Variants in DPYSL5 observed in about 807,000 individuals in gnomAD.
DPYSL5 encodes dihydropyrimidinase like 5.
A neutral mutation model predicts 58.4 loss-of-function variants in DPYSL5; 9 were observed. That is an observed-to-expected ratio of 0.15 (90% CI 0.09 to 0.27). DPYSL5 has a LOEUF of 0.27. Ranked by LOEUF, DPYSL5 falls within the 10% of genes least tolerant of loss-of-function variation. The probability of loss-of-function intolerance (pLI) is 1.00; values close to 1 mark genes in which losing one functional copy is unlikely to be tolerated. For missense variants in DPYSL5, 499 were observed against 770.6 expected (o/e 0.65, Z 4.17); for synonymous variants, 293 against 301.9 (o/e 0.97, Z 0.31).
intron 1 of DPYSL5, among the ~76,000 whole-genome samples, chr2:26,855,155 C>T (rs1665847640): frequency 1.3e-5 from 2 of 151,198 alleles, no homozygotes; most frequent in East Asian, 2.0e-4. Context: ...CCATGCTGGG[C>T]GCGGTGGCTC....
chr2:26,910,169 TTAAAGA>T (rs1224925765), intron 2 of DPYSL5, among the ~76,000 whole-genome samples: 4 of 152,230 alleles, frequency 2.6e-5, no homozygotes, highest in African/African-American at 4.8e-5. Flanking sequence ...TTTTTGGCTG[TTAAAGA>T]TAAAGCTACT....
rs139230014 is a variant in DPYSL5, at chr2:26,907,898, G to A, written c.261+9138G>A. On this transcript the variant is annotated intron_variant, in intron 2 of 12. Transcript: ENST00000288699. ...ACTTGTGACTAGCCACAGAGCCCGC[G>A]TAGCCCTAACGGTGTAGTCGACATC... 2.6e-3 allele frequency among the ~76,000 whole-genome samples: 396 copies of A among 152,274 alleles called. 1 individual carries two copies. The highest frequency in any genetic ancestry group is 9.0e-3 in the African/African-American group (375 of 41,556).
chr2:26,923,284 T>C (rs996978094), intron 2 of DPYSL5, among the ~76,000 whole-genome samples: 1 of 152,138 alleles, frequency 6.6e-6, no homozygotes, highest in Non-Finnish European at 1.5e-5. Flanking sequence ...TGTGCTATGA[T>C]TGCACCACTG....
intron 1 of DPYSL5, among the ~76,000 whole-genome samples, chr2:26,864,572 G>A (rs1666095451): frequency 6.6e-6 from 1 of 152,236 alleles, no homozygotes; most frequent in East Asian, 1.9e-4. Flanking sequence ...CACTTTCTGG[G>A]TGTAGATTGT....
At chr2:26,888,279 G>GTCTTTCTTTCTT (rs1438222892) in intron 1 of DPYSL5, among the ~76,000 whole-genome samples, 7 of 84,946 alleles carry the variant, frequency 8.2e-5, no homozygotes, top group East Asian at 3.0e-4. Flanking sequence ...CTTTCTTTCT[G>GTCTTTCTTTCTT]TCTTTCTTTC....
At position 26,922,659 on chromosome 2, in the gene DPYSL5, A is replaced by G. The variant is rs183791268; in HGVS notation, c.262-2228A>G. The stretch of plus-strand genomic sequence containing the variant: ...CAATCTAGAGCCACAGAAAAATGAA[A>G]CAATTTAGTGTGTAAAGCTCAATAT... On this transcript the variant is annotated intron_variant, in intron 2 of 12. Coordinates refer to ENST00000288699, the MANE Select transcript of DPYSL5 (RefSeq NM_020134.4). Among the ~76,000 whole-genome samples the G allele has an allele frequency of 2.6e-5, 4 of 152,310 alleles. No homozygotes were observed. In the East Asian group the frequency reaches 7.7e-4, roughly 29 times the overall value.
At chr2:26,904,422 G>C (rs1227141913) in intron 2 of DPYSL5, among the ~76,000 whole-genome samples, 1 of 152,068 alleles carries the variant, frequency 6.6e-6, no homozygotes, top group East Asian at 1.9e-4. Context: ...GTAAATTCTG[G>C]CCAAAATTTC....
At chr2:26,865,764 G>A (rs1666125202) in intron 1 of DPYSL5, among the ~76,000 whole-genome samples, 1 of 152,118 alleles carries the variant, frequency 6.6e-6, no homozygotes, top group Admixed American at 6.5e-5. Context: ...TGGCTTTTTT[G>A]TGTGTGCTTT....
chr2:26,942,774 A>T lies in DPYSL5; in HGVS notation c.1440+24A>T. On this transcript the variant is annotated intron_variant, in intron 11 of 12. Transcript: ENST00000288699. The surrounding 1 kb of genome is among the most constrained non-coding windows in gnomAD (Gnocchi z 5.9). Reference sequence around the variant, plus strand: ...AGGTGAGGTGGGAGGAGGAAGATGCAGGGGTGTTGGCGCCCCCTGCCGGGG... The same window carrying T: ...AGGTGAGGTGGGAGGAGGAAGATGCTGGGGTGTTGGCGCCCCCTGCCGGGG... 1.9e-6 allele frequency: 3 copies of T among 1,607,194 alleles called. No individual in the cohort carries two copies. Among genetic ancestry groups the T allele is most frequent in the Non-Finnish European group, 1.7e-6 (2 of 1,174,604 alleles).
intron 2 of DPYSL5, among the ~76,000 whole-genome samples, chr2:26,923,554 C>T (rs1475872675): frequency 1.3e-5 from 2 of 152,108 alleles, no homozygotes; most frequent in Admixed American, 6.6e-5. Context: ...AACGTGGAGC[C>T]GTGAAGCACT....
At chr2:26,912,018 A>T (rs1664451885) in intron 2 of DPYSL5, among the ~76,000 whole-genome samples, 1 of 152,230 alleles carries the variant, frequency 6.6e-6, no homozygotes, top group African/African-American at 2.4e-5. Flanking sequence ...GGTGCGTGGC[A>T]GCACATGGTT....
At chr2:26,918,366 A>G (rs1470618322) in intron 2 of DPYSL5, among the ~76,000 whole-genome samples, 1 of 152,120 alleles carries the variant, frequency 6.6e-6, no homozygotes, top group East Asian at 1.9e-4. Context: ...TTCACATCCC[A>G]TGGTGATGTT....
At chr2:26,893,612 GTAGATGGGGC>G (rs1663942082) in intron 1 of DPYSL5, among the ~76,000 whole-genome samples, 1 of 152,220 alleles carries the variant, frequency 6.6e-6, no homozygotes, top group South Asian at 2.1e-4. Flanking sequence ...AGTGCAACAA[GTAGATGGGGC>G]TATTTATTCG....
chr2:26,931,203 GTATATATATATATATA>G (rs373034710), intron 5 of DPYSL5, among the ~76,000 whole-genome samples: 8 of 44,908 alleles, frequency 1.8e-4, no homozygotes, highest in African/African-American at 3.2e-4. Flanking sequence ...GTGTGTGTGT[GTATATATATATATATA>G]TATATATATA....
rs1038444614 is a variant in DPYSL5, at chr2:26,898,055, G to T, written c.-4-441G>T. ...TTTCAGGATACCGTGCAGTGTAAGGGAGACATTTGTTGTATAAGACATGTG... is the reference window on the plus strand; with the variant it reads ...TTTCAGGATACCGTGCAGTGTAAGGTAGACATTTGTTGTATAAGACATGTG... On this transcript the variant is annotated intron_variant, in intron 1 of 12. Transcript: ENST00000288699. The surrounding 1 kb of genome is among the most constrained non-coding windows in gnomAD (Gnocchi z 6.1). Among the ~76,000 whole-genome samples, 1 of 152,156 alleles carries T rather than the reference G, an allele frequency of 6.6e-6. No individual in the cohort carries two copies. The highest frequency in any genetic ancestry group is 2.4e-5 in the African/African-American group (1 of 41,428).
In DPYSL5 at chr2:26,863,605, A is replaced by G. The variant is rs117931623; in HGVS notation, c.-5+15351A>G. Among the ~76,000 whole-genome samples, 189 of 152,294 alleles carry G rather than the reference A, an allele frequency of 1.2e-3. 4 individuals carry two copies. In the East Asian group the frequency reaches 0.025, roughly 20 times the overall value. ...TCACCCATACTAAGTGTGCAATGCA[A>G]TGGTTTCTAGTGTGTTCACAGAGTT... On this transcript the variant is annotated intron_variant, in intron 1 of 12. Transcript: ENST00000288699.
chr2:26,930,155 C>T (rs952669273), intron 5 of DPYSL5, among the ~76,000 whole-genome samples: 1 of 152,166 alleles, frequency 6.6e-6, no homozygotes, highest in Admixed American at 6.5e-5. Flanking sequence ...TCCTGTTTGG[C>T]ACTTCTGAAT....
chr2:26,917,111 GGAGATTAAGTAAC>G (rs1424016625), intron 2 of DPYSL5, among the ~76,000 whole-genome samples: 1 of 152,178 alleles, frequency 6.6e-6, no homozygotes. Flanking sequence ...CGGAGCTCAA[GGAGATTAAGTAAC>G]TTGCTGAAGA....
rs1665088250 is a variant in DPYSL5, at chr2:26,933,412, C to T, written c.790+79C>T. 1.5e-6 allele frequency: 2 copies of T among 1,373,302 alleles called. No individual in the cohort carries two copies. The highest frequency in any genetic ancestry group is 2.1e-6 in the Non-Finnish European group (2 of 971,708). 85.1% of individuals were successfully genotyped at this position (1,373,302 alleles called of 1,614,324 possible). ...GGATGGGGCCCATTAGCCGTGCTCACTCCTGGCCCCGGCTCCTGAAACCAG... is the reference window on the plus strand; with the variant it reads ...GGATGGGGCCCATTAGCCGTGCTCATTCCTGGCCCCGGCTCCTGAAACCAG... On this transcript the variant is annotated intron_variant, in intron 7 of 12. Coordinates refer to ENST00000288699, the MANE Select transcript of DPYSL5 (RefSeq NM_020134.4). The surrounding 1 kb of genome is among the most constrained non-coding windows in gnomAD (Gnocchi z 4.2).
Sources: gnomAD v4.1 joint callset for allele counts (sites outside exome capture counted in the v4.1 genomes callset) on GRCh38, gnomAD v4.1.1 for gene constraint, Gnocchi (gnomAD v3.1) non-coding constraint, MANE v1.5 for transcripts, NCBI Gene and HGNC (gene_info 2026-07-23, HGNC 2026-07-21) for gene names.